ITPR2: variants seen among roughly 807,000 people sequenced by gnomAD.
The protein encoded by ITPR2 is inositol 1,4,5-trisphosphate-gated calcium channel ITPR2.
In ITPR2, 207 loss-of-function variants were observed where a neutral mutation model predicts 317.1. The ratio of observed to expected loss-of-function variants is 0.65; its 90% CI spans 0.58 to 0.73. The LOEUF (loss-of-function observed/expected upper bound fraction) is 0.73, where lower values mean the gene tolerates loss of function less well. ITPR2 is among the 30% of genes least tolerant of loss of function. ITPR2 has a pLI of 0.00. For missense variants in ITPR2, 2,613 were observed against 3,284.0 expected, an observed-to-expected ratio of 0.80 and a Z score of 4.99; for synonymous variants, 1,156 against 1,149.1, an observed-to-expected ratio of 1.01 and a Z score of -0.12.
chr12:26,794,118 A>C (rs1950388346), intron 1 of ITPR2, among the ~76,000 whole-genome samples: 1 of 152,232 alleles, frequency 6.6e-6, no homozygotes, highest in Admixed American at 6.5e-5. Context: ...AAATTTACTT[A>C]CAAGAAAAAA....
chr12:26,463,995 T>C (rs557097270), intron 45 of ITPR2, among the ~76,000 whole-genome samples: 2 of 152,314 alleles, frequency 1.3e-5, no homozygotes, highest in African/African-American at 4.8e-5. Context: ...CTAAATCTTA[T>C]CAATCCATAA....
At chr12:26,558,572 TG>T (rs1944727261) in intron 35 of ITPR2, among the ~76,000 whole-genome samples, 1 of 152,244 alleles carries the variant, frequency 6.6e-6, no homozygotes, top group South Asian at 2.1e-4. Context: ...CACTGGTTTC[TG>T]CTCTTTGAAA....
chr12:26,558,508 A>C (rs1029097679), intron 35 of ITPR2, among the ~76,000 whole-genome samples: 3 of 152,166 alleles, frequency 2.0e-5, no homozygotes, highest in African/African-American at 7.2e-5. Context: ...TCATCACCCA[A>C]ACTCAGTGGT....
At chr12:26,479,939 G>C (rs181040844) in intron 43 of ITPR2, among the ~76,000 whole-genome samples, 2 of 152,172 alleles carry the variant, frequency 1.3e-5, no homozygotes, top group Non-Finnish European at 2.9e-5. Flanking sequence ...AGAAGCACAT[G>C]CTTACTAAGA....
intron 35 of ITPR2, 90 bp downstream of exon 35, chr12:26,561,672 A>G (rs543509164): frequency 1.8e-6 from 2 of 1,102,024 alleles, no homozygotes; most frequent in East Asian, 3.0e-5. Context: ...ATAGAACTTG[A>G]TATTTTAAAC....
At chr12:26,538,817 C>T (rs11048569) in intron 37 of ITPR2, among the ~76,000 whole-genome samples, 62,882 of 152,016 alleles carry the variant, frequency 0.41, 14,718 homozygotes, top group Non-Finnish European at 0.53. Flanking sequence ...CCTCGTGATC[C>T]GCCTGCCTCC....
intron 2 of ITPR2, among the ~76,000 whole-genome samples, chr12:26,729,859 A>G (rs1275605653): frequency 1.3e-5 from 2 of 152,060 alleles, no homozygotes; most frequent in South Asian, 2.1e-4. Flanking sequence ...TAATGAGTAC[A>G]AGGCTTAAAC....
rs1948925999 is a variant in ITPR2, at chr12:26,726,482, TG to T, written c.164-718del. ...CCACATGCTAATGATTTTGTATGCTTGTGGAATAGATTACAATCTAGAATAA... is the reference window on the plus strand; with the variant it reads ...CCACATGCTAATGATTTTGTATGCTTTGGAATAGATTACAATCTAGAATAA... On this transcript the variant is annotated intron_variant, in intron 2 of 56. Transcript: ENST00000381340. Among the ~76,000 whole-genome samples the T allele has an allele frequency of 2.6e-5, 4 of 152,338 alleles. No homozygotes were observed. The South Asian group carries it at 8.3e-4, about 32-fold the overall frequency.
intron 13 of ITPR2, among the ~76,000 whole-genome samples, chr12:26,668,032 C>A (rs553630223): frequency 3.9e-5 from 6 of 152,304 alleles, no homozygotes; most frequent in Non-Finnish European, 7.4e-5. Flanking sequence ...TTTGACCTTG[C>A]ACCTCAAGCA....
At chr12:26,411,459 T>C in intron 51 of ITPR2, 47 bp from the exon 52 acceptor site, 2 of 1,258,910 alleles carry the variant, frequency 1.6e-6, no homozygotes, top group Non-Finnish European at 2.3e-6. Context: ...AATATGCACA[T>C]GATGAAAACT....
At chr12:26,556,182 G>A (rs767236555) in intron 36 of ITPR2, 51 bp downstream of exon 36, 1 of 1,587,880 alleles carries the variant, frequency 6.3e-7, no homozygotes, top group Admixed American at 1.7e-5. Flanking sequence ...AAATGTTAGA[G>A]GCCATGTCAG....
At chr12:26,641,424 A>G (rs531085537) in intron 21 of ITPR2, among the ~76,000 whole-genome samples, 74 of 149,406 alleles carry the variant, frequency 5.0e-4, no homozygotes, top group Non-Finnish European at 9.6e-4. Flanking sequence ...TAATAGAAAG[A>G]ATATCAACTG....
chr12:26,449,026 G>A (rs900391046), intron 45 of ITPR2, among the ~76,000 whole-genome samples: 1 of 151,664 alleles, frequency 6.6e-6, no homozygotes, highest in Admixed American at 6.6e-5. Context: ...TTATCACTAG[G>A]ATTTTAATCT....
intron 56 of ITPR2, 83 bp downstream of exon 56, chr12:26,340,084 G>A (rs867408625): frequency 2.3e-6 from 3 of 1,323,438 alleles, no homozygotes; most frequent in Non-Finnish European, 2.0e-6. Flanking sequence ...TAATGACCTG[G>A]CTCCCTGGAC....
At chr12:26,396,309 C>A (rs1421856190) in intron 54 of ITPR2, among the ~76,000 whole-genome samples, 1 of 152,166 alleles carries the variant, frequency 6.6e-6, no homozygotes, top group Non-Finnish European at 1.5e-5. Flanking sequence ...CTCTCAGTTT[C>A]CTTCTAGCAA....
chr12:26,427,833 A>C, intron 49 of ITPR2, 80 bp downstream of exon 49: 1 of 931,748 alleles, frequency 1.1e-6, no homozygotes, highest in Non-Finnish European at 1.4e-6. Context: ...ACATGAATTA[A>C]AAGCTTATAG....
At chr12:26,759,226 C>A (rs993911885) in intron 2 of ITPR2, among the ~76,000 whole-genome samples, 17 of 152,298 alleles carry the variant, frequency 1.1e-4, no homozygotes, top group Non-Finnish European at 2.4e-4. Context: ...GGAAGAATTT[C>A]TTTTAGTAAC....
intron 32 of ITPR2, among the ~76,000 whole-genome samples, chr12:26,583,187 T>C (rs1034360463): frequency 6.6e-6 from 1 of 152,184 alleles, no homozygotes; most frequent in Non-Finnish European, 1.5e-5. Context: ...ATTATAATTG[T>C]TTTTATCAAT....
intron 38 of ITPR2, among the ~76,000 whole-genome samples, chr12:26,494,889 A>G (rs1942898383): frequency 6.6e-6 from 1 of 152,108 alleles, no homozygotes; most frequent in Non-Finnish European, 1.5e-5. Flanking sequence ...AAACAGAAAG[A>G]GAAAACTAGC....
Sources: gnomAD v4.1 joint callset for allele counts (sites outside exome capture counted in the v4.1 genomes callset) on GRCh38, gnomAD v4.1.1 for gene constraint, MANE v1.5 for transcripts, NCBI Gene and HGNC (gene_info 2026-07-23, HGNC 2026-07-21) for gene names.